Variants in TYW1B observed in about 807,000 individuals in gnomAD.
The protein encoded by TYW1B is S-adenosyl-L-methionine-dependent tRNA 4-demethylwyosine synthase TYW1B.
TYW1B carries 73 observed loss-of-function variants against 86.9 expected under a neutral mutation model. The observed-to-expected ratio is 0.84, with a 90% CI of 0.70 to 1.02. The LOEUF is 1.02. Among genes scored for constraint, TYW1B ranks in the 50% least tolerant of loss-of-function variants. The pLI is 0.00. For missense variants in TYW1B, 637 were observed against 827.4 expected, an observed-to-expected ratio of 0.77 and a Z score of 2.82; for synonymous variants, 248 against 292.8, an observed-to-expected ratio of 0.85 and a Z score of 1.56.
intron 7 of TYW1B, among the ~76,000 whole-genome samples, chr7:72,757,718 T>C (rs1229048728): frequency 1.3e-5 from 2 of 152,186 alleles, no homozygotes; most frequent in Non-Finnish European, 2.9e-5. Context: ...AAGAGAGGGC[T>C]ATCATGCTTG....
At chr7:72,691,987 C>G (rs1814175702) in intron 11 of TYW1B, among the ~76,000 whole-genome samples, 1 of 151,884 alleles carries the variant, frequency 6.6e-6, no homozygotes, top group African/African-American at 2.4e-5. Flanking sequence ...AGGCGGATCA[C>G]TTGAGGTCAG....
At chr7:72,801,946 T>G (rs1446578822) in intron 6 of TYW1B, among the ~76,000 whole-genome samples, 1 of 152,190 alleles carries the variant, frequency 6.6e-6, no homozygotes, top group African/African-American at 2.4e-5. Context: ...AATAAAATCT[T>G]TCTAACCATC....
At chr7:72,673,103 G>A (rs1189060485) in intron 11 of TYW1B, among the ~76,000 whole-genome samples, 1 of 152,198 alleles carries the variant, frequency 6.6e-6, no homozygotes, top group Non-Finnish European at 1.5e-5. Flanking sequence ...AGGAGGTGGA[G>A]GCTGCAGTGA....
chr7:72,742,518 G>A (rs1298969800), intron 8 of TYW1B, among the ~76,000 whole-genome samples: 1 of 152,114 alleles, frequency 6.6e-6, no homozygotes, highest in East Asian at 1.9e-4. Context: ...CTATGTTAAT[G>A]GGCATACAGT....
chr7:72,794,656 T>C (rs1436523412), intron 6 of TYW1B, among the ~76,000 whole-genome samples: 3 of 152,124 alleles, frequency 2.0e-5, no homozygotes, highest in African/African-American at 2.4e-5. Flanking sequence ...GAGTACATTT[T>C]GCTCAGCGCA....
At position 72,575,056 on chromosome 7, in the gene TYW1B, A is replaced by G. The variant is rs1357794646; in HGVS notation, c.*442T>C. On this transcript the variant is annotated 3_prime_UTR_variant, in exon 14 of 14. Coordinates refer to ENST00000620995, the MANE Select transcript of TYW1B (RefSeq NM_001145440.3). ...ATCAAGCTCTTATCTTAGAAAGCAC[A>G]GACACGTTTAGCTCAGGGTAGTGCA... is the stretch of plus-strand genomic sequence containing the variant. 2 of 998,046 alleles carry G rather than the reference A, an allele frequency of 2.0e-6. No individual in the cohort carries two copies. The highest frequency in any genetic ancestry group is 4.4e-5 in the South Asian group (1 of 22,482). 61.8% of individuals were successfully genotyped at this position (998,046 alleles called of 1,614,324 possible).
intron 6 of TYW1B, among the ~76,000 whole-genome samples, chr7:72,783,383 C>CA (rs35804694): frequency 0.72 from 81,694 of 113,254 alleles, 28,564 homozygotes; most frequent in Non-Finnish European, 0.78. Flanking sequence ...GACTTCATCT[C>CA]AAAAAAAAAA....
chr7:72,629,365 C>G (rs1249733774), intron 11 of TYW1B, among the ~76,000 whole-genome samples: 1 of 152,186 alleles, frequency 6.6e-6, no homozygotes, highest in Non-Finnish European at 1.5e-5. Context: ...TCTAGGCTTT[C>G]AGGTAATAAT....
chr7:72,700,381 G>A (rs1554452295), intron 10 of TYW1B, among the ~76,000 whole-genome samples: 1 of 151,580 alleles, frequency 6.6e-6, no homozygotes, highest in East Asian at 2.0e-4. Flanking sequence ...TCGCCACATT[G>A]GCCAGGCTGT....
chr7:72,760,736 T>C (rs1234294134), intron 7 of TYW1B, among the ~76,000 whole-genome samples: 3 of 152,190 alleles, frequency 2.0e-5, no homozygotes, highest in African/African-American at 7.2e-5. Context: ...ATCTTCAAAT[T>C]TGTCAGCAGG....
At chr7:72,685,891 C>T (rs1813996523) in intron 11 of TYW1B, among the ~76,000 whole-genome samples, 1 of 152,064 alleles carries the variant, frequency 6.6e-6, no homozygotes, top group African/African-American at 2.4e-5. Context: ...TTGCAAAAGA[C>T]GTATCTCATA....
intron 7 of TYW1B, among the ~76,000 whole-genome samples, chr7:72,760,693 T>C (rs1482718980): frequency 1.3e-5 from 2 of 152,222 alleles, no homozygotes; most frequent in Admixed American, 6.6e-5. Flanking sequence ...AATAAGCTGG[T>C]TTTAAAGTTA....
At chr7:72,637,013 C>T (rs569610176) in intron 11 of TYW1B, among the ~76,000 whole-genome samples, 22 of 152,194 alleles carry the variant, frequency 1.4e-4, no homozygotes, top group South Asian at 2.1e-4. Flanking sequence ...CCCATCTCTA[C>T]TAAAAATACA....
At chr7:72,590,391 C>A (rs1382935684) in intron 13 of TYW1B, among the ~76,000 whole-genome samples, 2 of 152,220 alleles carry the variant, frequency 1.3e-5, no homozygotes, top group African/African-American at 4.8e-5. Context: ...GGAATAGAGG[C>A]AGCCAGTCAG....
At chr7:72,804,225 C>T (rs1430960409) in intron 5 of TYW1B, among the ~76,000 whole-genome samples, 1 of 148,642 alleles carries the variant, frequency 6.7e-6, no homozygotes, top group Non-Finnish European at 1.5e-5. Context: ...GTGGAGGTTG[C>T]AGTGAGCTGA....
At chr7:72,654,213 C>T (rs1813144891) in intron 11 of TYW1B, among the ~76,000 whole-genome samples, 1 of 152,108 alleles carries the variant, frequency 6.6e-6, no homozygotes, top group Admixed American at 6.6e-5. Context: ...CATACTTTCC[C>T]CCTAAAACAT....
intron 8 of TYW1B, among the ~76,000 whole-genome samples, 187 bp from the exon 9 acceptor site, chr7:72,729,118 T>C (rs1418904415): frequency 2.0e-5 from 3 of 152,114 alleles, no homozygotes; most frequent in Non-Finnish European, 2.9e-5. Context: ...GAGGGGTGAA[T>C]AGAGAAATCA....
At chr7:72,585,629 G>T (rs1297444392) in intron 13 of TYW1B, among the ~76,000 whole-genome samples, 3 of 152,106 alleles carry the variant, frequency 2.0e-5, no homozygotes, top group Non-Finnish European at 4.4e-5. Context: ...GTGCTATTCT[G>T]GAGACAGTGA....
chr7:72,770,610 G>A (rs745499492), intron 7 of TYW1B, among the ~76,000 whole-genome samples: 11 of 152,010 alleles, frequency 7.2e-5, no homozygotes, highest in Admixed American at 2.6e-4. Context: ...AACAGTTTGG[G>A]AGTTTCTTCT....
Sources: gnomAD v4.1 joint callset for allele counts (sites outside exome capture counted in the v4.1 genomes callset) on GRCh38, gnomAD v4.1.1 for gene constraint, MANE v1.5 for transcripts, NCBI Gene and HGNC (gene_info 2026-07-23, HGNC 2026-07-21) for gene names.